SLC20A2: variants seen among roughly 807,000 people sequenced by gnomAD.
The protein encoded by SLC20A2 is sodium-dependent phosphate transporter 2.
SLC20A2 carries 30 observed loss-of-function variants against 61.0 expected under a neutral mutation model. That is an observed-to-expected ratio of 0.49 (90% CI 0.37 to 0.67). The LOEUF (loss-of-function observed/expected upper bound fraction) is 0.67, where lower values mean the gene tolerates loss of function less well. SLC20A2 is among the 30% of genes least tolerant of loss of function. SLC20A2 has a pLI of 0.00. For synonymous variants in SLC20A2, 351 were observed against 353.3 expected (o/e 0.99, Z 0.07); for missense variants, 626 against 866.4 (o/e 0.72, Z 3.48).
chr8:42,467,404 ATCACTT>A lies in SLC20A2; in HGVS notation c.290-1493_290-1488del, dbSNP rs533776788. ...GTATTAAAAGCATCAACCGGGAGAG[ATCACTT>A]TCAGAAGCAGTTGTTGAAAAGCTCC... is the stretch of plus-strand genomic sequence containing the variant. On this transcript the variant is annotated intron_variant, in intron 2 of 10. Transcript: ENST00000520262. Among the ~76,000 whole-genome samples the A allele has an allele frequency of 4.6e-3, 696 of 152,336 alleles. 7 individuals carry two copies. The highest frequency in any genetic ancestry group is 0.016 in the African/African-American group (660 of 41,570).
At chr8:42,520,794 T>G (rs1281748026) in intron 1 of SLC20A2, among the ~76,000 whole-genome samples, 2 of 117,092 alleles carry the variant, frequency 1.7e-5, no homozygotes, top group African/African-American at 5.2e-5. Context: ...CCCATCCAAA[T>G]GTACTGTCTG....
chr8:42,417,400 T>C lies in SLC20A2; in HGVS notation c.*403A>G, dbSNP rs1802732710. 6.3e-6 allele frequency: 1 copy of C among 158,626 alleles called. No homozygotes were observed. Among genetic ancestry groups the C allele is most frequent in the South Asian group, 1.8e-4 (1 of 5,514 alleles). The allele number at this position is 158,626 out of a possible 1,614,324, so 9.8% of individuals were successfully genotyped here. A position where few individuals can be genotyped will look rare whatever the true frequency, so the allele number is the denominator to read the frequency against. On this transcript the variant is annotated 3_prime_UTR_variant, in exon 11 of 11. Coordinates refer to ENST00000520262, the MANE Select transcript of SLC20A2 (RefSeq NM_001257180.2). ...CATTTTCCAATCTACACTTTCCTTT[T>C]AGAAGGCTTAACATTTGCCATCGAA... is the stretch of plus-strand genomic sequence containing the variant.
intron 1 of SLC20A2, among the ~76,000 whole-genome samples, chr8:42,533,654 C>CTTTTTTTTTTTTTTTTTTTTTTTT (rs1162369065): frequency 3.1e-4 from 17 of 55,298 alleles, no homozygotes; most frequent in South Asian, 7.8e-4. Context: ...ATCAACTGTT[C>CTTTTTTTTTTTTTTTTTTTTTTTT]TTTTTTTTTT....
chr8:42,485,642 CAAA>C (rs941111189), intron 1 of SLC20A2, among the ~76,000 whole-genome samples: 1 of 27,846 alleles, frequency 3.6e-5, no homozygotes, highest in African/African-American at 1.6e-4. Context: ...AACTCCGTCT[CAAA>C]AAAAAAAAAA....
intron 7 of SLC20A2, among the ~76,000 whole-genome samples, chr8:42,438,062 C>CAAAAA (rs1563455695): frequency 1.0e-5 from 1 of 96,868 alleles, no homozygotes; most frequent in Middle Eastern, 5.5e-3. Flanking sequence ...AAAAAAAAAA[C>CAAAAA]CAAAAAAAAA....
chr8:42,444,850 G>C (rs1160724981), intron 5 of SLC20A2, 88 bp from the exon 6 acceptor site: 3 of 839,332 alleles, frequency 3.6e-6, no homozygotes, highest in Non-Finnish European at 6.0e-6. Flanking sequence ...TCCCCAAATC[G>C]AGAACGAATC....
intron 9 of SLC20A2, among the ~76,000 whole-genome samples, chr8:42,429,223 A>G (rs547734354): frequency 7.9e-5 from 12 of 152,208 alleles, no homozygotes; most frequent in African/African-American, 1.7e-4. Context: ...CGGATTACGA[A>G]TTTTTCTTCA....
intron 1 of SLC20A2, chr8:42,537,744 T>C (rs1812799438): frequency 6.6e-6 from 1 of 152,238 alleles, no homozygotes; most frequent in Non-Finnish European, 1.5e-5. Context: ...ATCAATGTCC[T>C]CTATATAGAA....
At chr8:42,473,165 G>A (rs534333240) in intron 1 of SLC20A2, among the ~76,000 whole-genome samples, 1 of 152,340 alleles carries the variant, frequency 6.6e-6, no homozygotes, top group Middle Eastern at 3.4e-3. Flanking sequence ...GTGTCTGGGA[G>A]AGTTTACAGG....
At position 42,417,555 on chromosome 8, in the gene SLC20A2, C is replaced by T; in HGVS notation, c.*248G>A. On this transcript the variant is annotated 3_prime_UTR_variant, in exon 11 of 11. Transcript: ENST00000520262. The stretch of plus-strand genomic sequence containing the variant: ...ATATTTAATATATAAGTAACTGCAC[C>T]ACATTATATCACCACGATACCAGTT... The T allele has an allele frequency of 3.2e-6, 1 of 316,652 alleles. No homozygotes were observed. The highest frequency in any genetic ancestry group is 5.1e-5 in the East Asian group (1 of 19,570). The allele number at this position is 316,652 out of a possible 1,614,324, so 19.6% of individuals were successfully genotyped here. A position where few individuals can be genotyped will look rare whatever the true frequency, so the allele number is the denominator to read the frequency against.
intron 5 of SLC20A2, among the ~76,000 whole-genome samples, chr8:42,459,127 T>C (rs1245578740): frequency 6.9e-6 from 1 of 144,718 alleles, no homozygotes; most frequent in Non-Finnish European, 1.5e-5. Flanking sequence ...TCCCAGCTAC[T>C]AAGGAGGCTG....
intron 6 of SLC20A2, among the ~76,000 whole-genome samples, chr8:42,439,957 C>T (rs898558753): frequency 2.0e-5 from 3 of 151,592 alleles, no homozygotes; most frequent in African/African-American, 4.9e-5. Flanking sequence ...TGGTGGCAGG[C>T]GCCTGTAATT....
intron 1 of SLC20A2, among the ~76,000 whole-genome samples, chr8:42,533,654 C>CTTTTTTTCTTTTCTTTTTTTTTTTT (rs1253260874): frequency 9.0e-5 from 5 of 55,298 alleles, no homozygotes; most frequent in African/African-American, 4.0e-4. Flanking sequence ...ATCAACTGTT[C>CTTTTTTTCTTTTCTTTTTTTTTTTT]TTTTTTTTTT....
At chr8:42,464,730 T>C (rs192445869) in intron 3 of SLC20A2, among the ~76,000 whole-genome samples, 60 of 152,272 alleles carry the variant, frequency 3.9e-4, no homozygotes, top group Middle Eastern at 6.8e-3. Flanking sequence ...CCTGGCACTT[T>C]TGCAGCCCGA....
chr8:42,480,386 A>AT (rs1315724482), intron 1 of SLC20A2: 4 of 152,184 alleles, frequency 2.6e-5, no homozygotes, highest in Non-Finnish European at 5.9e-5. Flanking sequence ...TACAAGGTAC[A>AT]TTTTTTTAAA....
intron 1 of SLC20A2, among the ~76,000 whole-genome samples, chr8:42,473,244 G>C (rs1807787741): frequency 6.6e-6 from 1 of 152,188 alleles, no homozygotes; most frequent in South Asian, 2.1e-4. Context: ...GAGGAAAAGA[G>C]AAGCCTGGAG....
chr8:42,430,878 G>A (rs1387931966), intron 8 of SLC20A2, among the ~76,000 whole-genome samples: 1 of 152,132 alleles, frequency 6.6e-6, no homozygotes, highest in East Asian at 1.9e-4. Flanking sequence ...GTTTTGGGGT[G>A]CCATGAACTG....
intron 8 of SLC20A2, among the ~76,000 whole-genome samples, chr8:42,435,538 T>C (rs913461703): frequency 6.6e-6 from 1 of 152,022 alleles, no homozygotes. Context: ...GTTACACAGC[T>C]GTAAGACGAC....
At chr8:42,507,474 G>T (rs1010858808) in intron 1 of SLC20A2, among the ~76,000 whole-genome samples, 2 of 152,092 alleles carry the variant, frequency 1.3e-5, no homozygotes, top group African/African-American at 4.8e-5. Context: ...TTTTTATCAG[G>T]ATTGTGAAAG....
Sources: gnomAD v4.1 joint callset for allele counts (sites outside exome capture counted in the v4.1 genomes callset) on GRCh38, gnomAD v4.1.1 for gene constraint, MANE v1.5 for transcripts, NCBI Gene and HGNC (gene_info 2026-07-23, HGNC 2026-07-21) for gene names.